Variants in MALRD1 observed in about 807,000 individuals in gnomAD.
MALRD1 encodes MAM and LDL receptor class A domain containing 1.
In MALRD1, 247 loss-of-function variants were observed where a neutral mutation model predicts 242.1. The ratio of observed to expected loss-of-function variants is 1.02; its 90% CI spans 0.92 to 1.13. The LOEUF (loss-of-function observed/expected upper bound fraction) is 1.13. Among genes scored for constraint, MALRD1 ranks in the 50% most tolerant of loss-of-function variants. The pLI is 0.00. For missense variants in MALRD1, 2,989 were observed against 2,533.1 expected (o/e 1.18, Z -3.86); for synonymous variants, 995 against 866.6 (o/e 1.15, Z -2.60).
At chr10:19,716,441 A>G (rs893572701) in intron 38 of MALRD1, among the ~76,000 whole-genome samples, 8 of 152,192 alleles carry the variant, frequency 5.3e-5, no homozygotes, top group African/African-American at 1.2e-4. Context: ...TGCCCCAGCC[A>G]TGGAAGACAT....
chr10:19,267,179 T>G (rs1401015470), intron 19 of MALRD1, among the ~76,000 whole-genome samples: 2 of 152,086 alleles, frequency 1.3e-5, no homozygotes, highest in African/African-American at 4.8e-5. Flanking sequence ...CTTTATTCTC[T>G]TTTAAATTTT....
At chr10:19,372,516 T>A (rs1179675952) in intron 26 of MALRD1, among the ~76,000 whole-genome samples, 1 of 152,010 alleles carries the variant, frequency 6.6e-6, no homozygotes, top group Non-Finnish European at 1.5e-5. Flanking sequence ...TCACCCAGGC[T>A]GGAGTGTAGT....
intron 2 of MALRD1, among the ~76,000 whole-genome samples, chr10:19,084,027 G>A (rs190602355): frequency 5.9e-4 from 89 of 152,016 alleles, no homozygotes; most frequent in Non-Finnish European, 8.7e-4. Flanking sequence ...CTCCTAAAGC[G>A]ACTCACATAG....
chr10:19,606,119 A>G (rs1272618331), intron 34 of MALRD1, among the ~76,000 whole-genome samples: 1 of 152,122 alleles, frequency 6.6e-6, no homozygotes, highest in African/African-American at 2.4e-5. Flanking sequence ...TGTGTCAATT[A>G]CCTATGATAA....
At chr10:19,442,944 C>G (rs867970569) in intron 28 of MALRD1, among the ~76,000 whole-genome samples, 4 of 152,112 alleles carry the variant, frequency 2.6e-5, no homozygotes, top group Non-Finnish European at 4.4e-5. Context: ...GAATCCATCT[C>G]GTCCTGGACT....
At chr10:19,514,987 C>T (rs1182832237) in intron 31 of MALRD1, among the ~76,000 whole-genome samples, 1 of 151,978 alleles carries the variant, frequency 6.6e-6, no homozygotes. Context: ...AATATCTGTC[C>T]ATTCCATCTA....
intron 38 of MALRD1, among the ~76,000 whole-genome samples, chr10:19,720,607 C>G (rs1194644009): frequency 2.6e-5 from 4 of 152,172 alleles, no homozygotes; most frequent in African/African-American, 9.7e-5. Context: ...CACGAACTCT[C>G]CGTCTTGTTA....
chr10:19,542,510 C>G (rs7083715), intron 32 of MALRD1, among the ~76,000 whole-genome samples: 129,625 of 151,868 alleles, frequency 0.85, 55,331 homozygotes, highest in Admixed American at 0.86. Flanking sequence ...GTTTATGAGT[C>G]GTGAGAGGTT....
At position 19,099,109 on chromosome 10, in the gene MALRD1, T is replaced by C. The variant is rs146214795; in HGVS notation, c.598-4870T>C. Among the ~76,000 whole-genome samples, 121 of 152,262 alleles carry C rather than the reference T, an allele frequency of 7.9e-4. 1 individual carries two copies. The East Asian group carries it at 0.02, about 25-fold the overall frequency. On this transcript the variant is annotated intron_variant, in intron 4 of 39. Transcript: ENST00000454679. The stretch of plus-strand genomic sequence containing the variant: ...GTGGTAATAAAAGGGAAGACGGAGC[T>C]TCTATATTGGTTATGCCTGGCCCCC...
At chr10:19,265,972 T>C (rs1839958250) in intron 19 of MALRD1, among the ~76,000 whole-genome samples, 1 of 151,946 alleles carries the variant, frequency 6.6e-6, no homozygotes, top group East Asian at 1.9e-4. Flanking sequence ...AATGACTTTT[T>C]GTCTCTTTTT....
intron 5 of MALRD1, among the ~76,000 whole-genome samples, chr10:19,112,569 T>A (rs990408406): frequency 1.3e-5 from 2 of 152,202 alleles, no homozygotes; most frequent in Non-Finnish European, 2.9e-5. Flanking sequence ...ACCTTACGCT[T>A]GTCACTTTAT....
chr10:19,140,855 G>T (rs1016796364), intron 10 of MALRD1, among the ~76,000 whole-genome samples: 1 of 152,118 alleles, frequency 6.6e-6, no homozygotes, highest in Non-Finnish European at 1.5e-5. Flanking sequence ...AATAAGTTCT[G>T]GGAGTCTAGT....
At chr10:19,173,615 C>G (rs1476436267) in intron 13 of MALRD1, among the ~76,000 whole-genome samples, 1 of 152,080 alleles carries the variant, frequency 6.6e-6, no homozygotes, top group Non-Finnish European at 1.5e-5. Context: ...TCTTATACTC[C>G]GTTAACACCC....
rs1448453441 is a variant in MALRD1, at chr10:19,073,882, ACTAGAGACAAACTCTGACTCCAGAAAGC to A, written c.340+7024_340+7051del. On this transcript the variant is annotated intron_variant, in intron 2 of 39. Transcript: ENST00000454679. ...TTGGGTTTGAATAAATTTCTCTGAG[ACTAGAGACAAACTCTGACTCCAGAAAGC>A]GAAAGAGCATTTGAGAAAATAGTTG... Among the ~76,000 whole-genome samples, 9 of 152,144 alleles carry A rather than the reference ACTAGAGACAAACTCTGACTCCAGAAAGC, an allele frequency of 5.9e-5. No homozygotes were observed. The East Asian group carries it at 1.5e-3, about 26-fold the overall frequency.
At chr10:19,346,196 G>GAAAC (rs1554836641) in intron 24 of MALRD1, among the ~76,000 whole-genome samples, 1 of 152,018 alleles carries the variant, frequency 6.6e-6, no homozygotes, top group Non-Finnish European at 1.5e-5. Context: ...TATCTATACA[G>GAAAC]AAACAAACAA....
At chr10:19,355,898 A>AAT (rs1178738454) in intron 26 of MALRD1, among the ~76,000 whole-genome samples, 46 of 134,100 alleles carry the variant, frequency 3.4e-4, no homozygotes, top group South Asian at 7.0e-4. Context: ...ATATATGTTG[A>AAT]ATATATATAT....
rs202126730 is a variant in MALRD1 at position 19,205,264 on chromosome 10, T to G, written c.2577T>G (p.Cys859Trp). The G allele has an allele frequency of 9.8e-6, 15 of 1,535,904 alleles. No individual in the cohort carries two copies. Among genetic ancestry groups the G allele is most frequent in the Non-Finnish European group, 1.2e-5 (14 of 1,139,892 alleles). The change falls in exon 17 of 40, where the codon TGT (cysteine) becomes TGG (tryptophan). Residue 859 changes from cysteine to tryptophan, a missense_variant and splice_region_variant. Coordinates refer to ENST00000454679, the MANE Select transcript of MALRD1 (RefSeq NM_001142308.3). ...DCGDRTDEVN[C>W]APELQCNFET... ...GTGATCGTACTGATGAAGTCAACTGTGGTAAGTTCTTTTTGGTTGGGGGAT... is the reference window on the plus strand; with the variant it reads ...GTGATCGTACTGATGAAGTCAACTGGGGTAAGTTCTTTTTGGTTGGGGGAT...
chr10:19,545,363 A>G (rs542188452), intron 32 of MALRD1, among the ~76,000 whole-genome samples: 54 of 152,300 alleles, frequency 3.5e-4, no homozygotes, highest in African/African-American at 1.3e-3. Flanking sequence ...TGTTTTGCTC[A>G]TATGCATTTC....
At chr10:19,661,380 C>A (rs1438216504) in intron 36 of MALRD1, among the ~76,000 whole-genome samples, 1 of 152,114 alleles carries the variant, frequency 6.6e-6, no homozygotes, top group East Asian at 1.9e-4. Context: ...GACTTGGAAC[C>A]AACCCAAATG....
Sources: allele counts gnomAD v4.1 joint callset (sites outside exome capture counted in the v4.1 genomes callset), GRCh38; gene constraint gnomAD v4.1.1; transcripts MANE v1.5; gene names NCBI Gene and HGNC (gene_info 2026-07-23, HGNC 2026-07-21).